The following SRRD variants were observed in gnomAD, a reference collection of about 807,000 sequenced individuals.
SRRD encodes SRR1 domain containing.
In SRRD, 28 loss-of-function variants were observed where a neutral mutation model predicts 30.7. The ratio of observed to expected loss-of-function variants is 0.91; its 90% CI spans 0.68 to 1.25. The LOEUF is 1.25. Among genes scored for constraint, SRRD ranks in the 50% most tolerant of loss-of-function variants. The pLI is 0.00. For synonymous variants in SRRD, 161 were observed against 159.6 expected (o/e 1.01, Z -0.07); for missense variants, 415 against 417.3 (o/e 0.99, Z 0.05).
chr22:26,484,244 G>T, intron 1 of SRRD, 145 bp downstream of exon 1: 1 of 929,448 alleles, frequency 1.1e-6, no homozygotes, highest in Non-Finnish European at 1.6e-6. Flanking sequence ...GCTCATTAAA[G>T]ATGTGGATTA....
At position 26,490,286 on chromosome 22, in the gene SRRD, C is replaced by T. The variant is rs542458361; in HGVS notation, c.764+88C>T. ...CCACATGCAGAAAACATTTCCTTGA[C>T]GATTCCATACTGGGGAAATGCTTTT... On this transcript the variant is annotated intron_variant, in intron 5 of 6. Coordinates refer to ENST00000215917, the MANE Select transcript of SRRD (RefSeq NM_001013694.3). The T allele has an allele frequency of 1.1e-4, 153 of 1,416,750 alleles. No individual in the cohort carries two copies. In the South Asian group the frequency reaches 1.6e-3, roughly 15 times the overall value. 87.8% of individuals were successfully genotyped at this position (1,416,750 alleles called of 1,614,324 possible).
chr22:26,489,229 G>GGTGCCT (rs2091730035), intron 4 of SRRD, among the ~76,000 whole-genome samples: 1 of 152,150 alleles, frequency 6.6e-6, no homozygotes, highest in African/African-American at 2.4e-5. Flanking sequence ...CATCTTTCTG[G>GGTGCCT]GTGCCTGTTC....
intron 5 of SRRD, 46 bp downstream of exon 5, chr22:26,490,244 C>A: frequency 6.2e-7 from 1 of 1,604,188 alleles, no homozygotes; most frequent in Non-Finnish European, 8.5e-7. Flanking sequence ...GAGGTGAAGC[C>A]CATACCTCAG....
chr22:26,486,129 A>G (rs1191251553), intron 2 of SRRD, 66 bp downstream of exon 2: 1 of 1,607,274 alleles, frequency 6.2e-7, no homozygotes, highest in Non-Finnish European at 8.5e-7. Flanking sequence ...TCATTTGAGG[A>G]CATTTTGCTT....
rs750439482 is a variant in SRRD, at chr22:26,491,008, T to C, written c.765-17T>C. 1.4e-5 allele frequency: 22 copies of C among 1,602,518 alleles called. No homozygotes were observed. Among genetic ancestry groups the C allele is most frequent in the Non-Finnish European group, 1.6e-5 (19 of 1,174,274 alleles). On this transcript the variant is annotated splice_polypyrimidine_tract_variant and intron_variant, in intron 5 of 6. Coordinates refer to ENST00000215917, the MANE Select transcript of SRRD (RefSeq NM_001013694.3). ...TGGTGTTTTTTTTTTGTTTTTTTGG[T>C]TTTTTTTAATTTCTAGGTTGTTGGC...
intron 1 of SRRD, among the ~76,000 whole-genome samples, chr22:26,484,599 T>C (rs992946069): frequency 1.3e-5 from 2 of 152,156 alleles, no homozygotes; most frequent in Non-Finnish European, 2.9e-5. Flanking sequence ...ATGTTAAACA[T>C]TGCAGGCATA....
At chr22:26,484,238 A>G in intron 1 of SRRD, 139 bp downstream of exon 1, 1 of 956,716 alleles carries the variant, frequency 1.0e-6, no homozygotes, top group Non-Finnish European at 1.5e-6. Context: ...TAACGAGCTC[A>G]TTAAAGATGT....
In SRRD at chr22:26,493,946, G is replaced by C. The variant is rs1921575671; in HGVS notation, c.*2274G>C. On this transcript the variant is annotated 3_prime_UTR_variant, in exon 7 of 7. Coordinates refer to ENST00000215917, the MANE Select transcript of SRRD (RefSeq NM_001013694.3). ...CAGGGAAGATGCCCCTCTCAGTCAT[G>C]GTAGACCTGGGCAGTGGGTGCCAGC... 1.7e-6 allele frequency: 1 copy of C among 587,086 alleles called. No homozygotes were observed. Among genetic ancestry groups the C allele is most frequent in the African/African-American group, 1.9e-5 (1 of 53,486 alleles). 36.4% of individuals were successfully genotyped at this position (587,086 alleles called of 1,614,324 possible).
At chr22:26,490,964 TC>T (rs1384622303) in intron 5 of SRRD, 60 bp from the exon 6 acceptor site, 49 of 1,446,476 alleles carry the variant, frequency 3.4e-5, no homozygotes, top group Middle Eastern at 1.8e-4. Flanking sequence ...AATGAAACTA[TC>T]CTCATACCTC....
At chr22:26,490,022 C>T (rs772430575) in intron 4 of SRRD, 22 bp from the exon 5 acceptor site, 7 of 1,613,500 alleles carry the variant, frequency 4.3e-6, no homozygotes, top group African/African-American at 2.7e-5. Context: ...CATGTTTACA[C>T]CTGTGAATAT....
chr22:26,486,944 C>T (rs1425856070), intron 2 of SRRD, among the ~76,000 whole-genome samples: 6 of 130,942 alleles, frequency 4.6e-5, no homozygotes, highest in Admixed American at 8.5e-5. Flanking sequence ...TCTTTTGAGA[C>T]GGAGTCTCAC....
chr22:26,493,747 G>A lies in SRRD; in HGVS notation c.*2075G>A, dbSNP rs912350047. 1 of 209,802 alleles carries A rather than the reference G, an allele frequency of 4.8e-6. No homozygotes were observed. Among genetic ancestry groups the A allele is most frequent in the Non-Finnish European group, 9.8e-6 (1 of 101,922 alleles). 13.0% of individuals were successfully genotyped at this position (209,802 alleles called of 1,614,324 possible). ...AGGTAAAATGGGGCTGATTAAGGCTGAGCAATCACCAAGTGTCAGACCGCG... is the reference window on the plus strand; with the variant it reads ...AGGTAAAATGGGGCTGATTAAGGCTAAGCAATCACCAAGTGTCAGACCGCG... On this transcript the variant is annotated 3_prime_UTR_variant, in exon 7 of 7. Coordinates refer to ENST00000215917, the MANE Select transcript of SRRD (RefSeq NM_001013694.3).
Position 26,493,490 on chromosome 22 carries a change from C to T in SRRD, c.*1818C>T, listed in dbSNP as rs1441974020. ...TCAATGCTGCGAATCGGCTAATGAG[C>T]AACACTGGAGCACAGGACTGGTTGA... On this transcript the variant is annotated 3_prime_UTR_variant, in exon 7 of 7. Transcript: ENST00000215917. The T allele has an allele frequency of 2.0e-5, 3 of 152,410 alleles. No individual in the cohort carries two copies. Among genetic ancestry groups the T allele is most frequent in the African/African-American group, 7.2e-5 (3 of 41,458 alleles). 9.4% of individuals were successfully genotyped at this position (152,410 alleles called of 1,614,324 possible). A position where few individuals can be genotyped will look rare whatever the true frequency, so the allele number is the denominator to read the frequency against.
intron 2 of SRRD, among the ~76,000 whole-genome samples, chr22:26,486,780 TA>T (rs1345032385): frequency 6.6e-6 from 1 of 152,210 alleles, no homozygotes; most frequent in Non-Finnish European, 1.5e-5. Flanking sequence ...GAAGTAGAAT[TA>T]AATGAAAGGC....
intron 4 of SRRD, 136 bp from the exon 5 acceptor site, chr22:26,489,908 C>A: frequency 1.1e-6 from 1 of 881,836 alleles, no homozygotes; most frequent in Non-Finnish European, 1.8e-6. Context: ...ACGAGTGTAA[C>A]TGTTCCACAA....
intron 4 of SRRD, among the ~76,000 whole-genome samples, chr22:26,489,472 T>C (rs1389653231): frequency 7.2e-5 from 11 of 152,040 alleles, no homozygotes; most frequent in Non-Finnish European, 1.2e-4. Context: ...TGTGCAGTGC[T>C]GGCTGTTCAG....
Position 26,491,746 on chromosome 22 carries a change from G to C in SRRD, c.*74G>C. On this transcript the variant is annotated 3_prime_UTR_variant, in exon 7 of 7. Coordinates refer to ENST00000215917, the MANE Select transcript of SRRD (RefSeq NM_001013694.3). ...AGACTAAAGGGAAGGCTGCTATGGA[G>C]GAACTACAGAGAACTCCTTTGCCAG... The C allele has an allele frequency of 7.3e-7, 1 of 1,371,418 alleles. No individual in the cohort carries two copies. The allele number at this position is 1,371,418 out of a possible 1,614,324, so 85.0% of individuals were successfully genotyped here. A position where few individuals can be genotyped will look rare whatever the true frequency, so the allele number is the denominator to read the frequency against.
At position 26,490,559 on chromosome 22, in the gene SRRD, C is replaced by CTTTTT. The variant is rs71192931; in HGVS notation, c.764+379_764+383dup. ...ATGGGCACAATTACTGGAATATTTG[C>CTTTTT]TTTTTTTTTTTTTTTTTTTTTTGAG... On this transcript the variant is annotated intron_variant, in intron 5 of 6. Coordinates refer to ENST00000215917, the MANE Select transcript of SRRD (RefSeq NM_001013694.3). 6.6e-3 allele frequency among the ~76,000 whole-genome samples: 344 copies of CTTTTT among 51,772 alleles called. 94 individuals carry two copies. The East Asian group carries it at 0.1, about 16-fold the overall frequency. The allele number at this position is 51,772 out of a possible 152,430, so 34.0% of individuals were successfully genotyped here.
intron 2 of SRRD, 66 bp from the exon 3 acceptor site, chr22:26,487,963 G>A: frequency 1.3e-6 from 2 of 1,511,474 alleles, no homozygotes; most frequent in Non-Finnish European, 1.8e-6. Flanking sequence ...AACTTCTTTT[G>A]TGGATGATTT....
Sources: gnomAD v4.1 joint callset for allele counts (sites outside exome capture counted in the v4.1 genomes callset) on GRCh38, gnomAD v4.1.1 for gene constraint, MANE v1.5 for transcripts, NCBI Gene and HGNC (gene_info 2026-07-23, HGNC 2026-07-21) for gene names.